CHST11: variants seen among roughly 807,000 people sequenced by gnomAD.
The protein encoded by CHST11 is C4S-1.
In CHST11, 9 loss-of-function variants were observed where a neutral mutation model predicts 30.4. The ratio of observed to expected loss-of-function variants is 0.30; its 90% CI spans 0.18 to 0.52. The LOEUF (loss-of-function observed/expected upper bound fraction) is 0.52. Among genes scored for constraint, CHST11 ranks in the 20% least tolerant of loss-of-function variants. The probability of loss-of-function intolerance (pLI) is 0.97; values close to 1 mark genes in which losing one functional copy is unlikely to be tolerated. For synonymous variants in CHST11, 152 were observed against 187.8 expected, an observed-to-expected ratio of 0.81 and a Z score of 1.56; for missense variants, 348 against 460.6, an observed-to-expected ratio of 0.76 and a Z score of 2.24.
At chr12:104,596,823 T>C (rs2038910919) in intron 1 of CHST11, among the ~76,000 whole-genome samples, 1 of 152,250 alleles carries the variant, frequency 6.6e-6, no homozygotes, top group African/African-American at 2.4e-5. Flanking sequence ...CTGGTTCTGC[T>C]GCTAGCTACA....
rs573664742 is a variant in CHST11, at chr12:104,657,216, G to A, written c.204+55225G>A. Among the ~76,000 whole-genome samples, 102 of 152,286 alleles carry A rather than the reference G, an allele frequency of 6.7e-4. 1 individual carries two copies. Among genetic ancestry groups the A allele is most frequent in the Admixed American group, 2.4e-3 (37 of 15,298 alleles). On this transcript the variant is annotated intron_variant, in intron 2 of 2. Transcript: ENST00000303694. ...AGCAAGCATCTTCAATCCACTATTTGCATGTCTTTCTTCTCATCTCTGGGA... is the reference window on the plus strand; with the variant it reads ...AGCAAGCATCTTCAATCCACTATTTACATGTCTTTCTTCTCATCTCTGGGA...
rs2040044824 is a variant in CHST11, at chr12:104,707,296, A to AG, written c.205-49649dup. On this transcript the variant is annotated intron_variant, in intron 2 of 2. Transcript: ENST00000303694. ...AAACCCCTTCCTACAGAGTCGGGGC[A>AG]GGGGTCCCCCAGCCAGCGTTTTTCA... Among the ~76,000 whole-genome samples the AG allele has an allele frequency of 3.9e-5, 6 of 152,322 alleles. No homozygotes were observed. The South Asian group carries it at 1.2e-3, about 32-fold the overall frequency.
chr12:104,557,207 C>T (rs1168298708), intron 1 of CHST11, among the ~76,000 whole-genome samples: 8 of 152,198 alleles, frequency 5.3e-5, no homozygotes, highest in East Asian at 3.9e-4. Flanking sequence ...GTCTGTAAGG[C>T]GGGAATGTGC....
At chr12:104,660,921 G>A (rs760291347) in intron 2 of CHST11, among the ~76,000 whole-genome samples, 24 of 152,112 alleles carry the variant, frequency 1.6e-4, no homozygotes, top group Non-Finnish European at 3.1e-4. Flanking sequence ...GGTTTCTGTG[G>A]TTCTCATCCT....
intron 1 of CHST11, among the ~76,000 whole-genome samples, chr12:104,461,731 G>A (rs1001434713): frequency 1.3e-5 from 2 of 152,196 alleles, no homozygotes; most frequent in South Asian, 2.1e-4. Context: ...TCGGTTGAAT[G>A]TATTGAAAGA....
Position 104,544,029 on chromosome 12 carries a change from C to T in CHST11, c.119-57877C>T, listed in dbSNP as rs919851767. On this transcript the variant is annotated intron_variant, in intron 1 of 2. Transcript: ENST00000303694. ...GTCCTGGCTACTCGGGAGGCTGAGG[C>T]GGGAGGATGGCTGGAGCCCAGGAGT... 8.0e-5 allele frequency among the ~76,000 whole-genome samples: 12 copies of T among 150,342 alleles called. No homozygotes were observed. In the East Asian group the frequency reaches 2.1e-3, roughly 27 times the overall value.
intron 1 of CHST11, among the ~76,000 whole-genome samples, chr12:104,586,006 A>G (rs1420524008): frequency 1.3e-5 from 2 of 152,100 alleles, no homozygotes; most frequent in Admixed American, 1.3e-4. Flanking sequence ...TTATATCTGC[A>G]AAGACTCTAT....
chr12:104,544,132 A>G (rs2706271), intron 1 of CHST11, among the ~76,000 whole-genome samples: 1 of 75,396 alleles, frequency 1.3e-5, no homozygotes, highest in Non-Finnish European at 2.7e-5. Flanking sequence ...TGTTAAAAAA[A>G]AAAAAAAAAG....
chr12:104,520,681 G>A (rs1026007453), intron 1 of CHST11, among the ~76,000 whole-genome samples: 4 of 152,194 alleles, frequency 2.6e-5, no homozygotes, highest in African/African-American at 9.7e-5. Context: ...TGAGCATCAA[G>A]CTGGTGCAGT....
chr12:104,503,197 C>T (rs939827896), intron 1 of CHST11, among the ~76,000 whole-genome samples: 7 of 152,198 alleles, frequency 4.6e-5, no homozygotes, highest in Non-Finnish European at 4.4e-5. Context: ...ATCCTAACCC[C>T]AGATCTGCTG....
Position 104,757,649 on chromosome 12 carries a change from C to T in CHST11, c.905C>T (p.Pro302Leu). 1 of 1,614,096 alleles carries T rather than the reference C, an allele frequency of 6.2e-7. No homozygotes were observed. The highest frequency in any genetic ancestry group is 8.5e-7 in the Non-Finnish European group (1 of 1,180,014). ...LAGVGSYLKFPTYAKSTRTTD... is the reference protein window; with the variant it reads ...LAGVGSYLKFLTYAKSTRTTD... ...GGAGTGGGCAGCTACCTGAAGTTCC[C>T]CACCTATGCAAAGTCTACGAGAACT... Residue 302 changes from proline to leucine, a missense_variant, in exon 3 of 3, where the codon CCC becomes CTC. Physicochemically the swap from Pro to Leu is moderately conservative, Grantham distance 98. Transcript: ENST00000303694. This position sits in a 1 kb window ranked among gnomAD's most constrained non-coding sequence, Gnocchi z 6.5.
chr12:104,720,767 TA>T (rs990941913), intron 2 of CHST11, among the ~76,000 whole-genome samples: 3 of 151,850 alleles, frequency 2.0e-5, no homozygotes, highest in Non-Finnish European at 4.4e-5. Context: ...AGTAGAAATC[TA>T]ATTTGAAAAA....
intron 1 of CHST11, among the ~76,000 whole-genome samples, chr12:104,484,523 T>A (rs2037657757): frequency 6.6e-6 from 1 of 152,190 alleles, no homozygotes. Context: ...AAACTTACAA[T>A]GTTCTCATCT....
At chr12:104,586,377 C>T (rs2038804224) in intron 1 of CHST11, among the ~76,000 whole-genome samples, 1 of 152,154 alleles carries the variant, frequency 6.6e-6, no homozygotes, top group East Asian at 1.9e-4. Flanking sequence ...GAGATGCCTG[C>T]CTGAGTGAGG....
At chr12:104,756,619 C>T (rs767135706) in intron 2 of CHST11, among the ~76,000 whole-genome samples, 13 of 151,500 alleles carry the variant, frequency 8.6e-5, no homozygotes, top group Non-Finnish European at 1.5e-4. Context: ...ACAGTCATAC[C>T]TCAAGGTAAC....
At chr12:104,559,117 T>C (rs11829128) in intron 1 of CHST11, among the ~76,000 whole-genome samples, 6 of 151,148 alleles carry the variant, frequency 4.0e-5, no homozygotes, top group Non-Finnish European at 7.4e-5. Context: ...ACAGGGACGG[T>C]GTTGTCTTTT....
intron 2 of CHST11, among the ~76,000 whole-genome samples, chr12:104,694,153 T>C (rs2039923225): frequency 6.6e-6 from 1 of 152,154 alleles, no homozygotes; most frequent in Non-Finnish European, 1.5e-5. Context: ...TGCCAGGTAT[T>C]GTATAGACCA....
chr12:104,633,581 A>G (rs1566016406), intron 2 of CHST11, among the ~76,000 whole-genome samples: 2 of 151,074 alleles, frequency 1.3e-5, no homozygotes, highest in African/African-American at 4.9e-5. Flanking sequence ...CACTCGGCTC[A>G]TTTTTTTGTA....
intron 2 of CHST11, among the ~76,000 whole-genome samples, chr12:104,725,575 T>G (rs569284996): frequency 1.3e-5 from 2 of 152,018 alleles, no homozygotes; most frequent in African/African-American, 4.8e-5. Flanking sequence ...CCGCCGTGGT[T>G]GTTTTCTCAC....
Sources: gnomAD v4.1 joint callset for allele counts (sites outside exome capture counted in the v4.1 genomes callset) on GRCh38, gnomAD v4.1.1 for gene constraint, Gnocchi (gnomAD v3.1) non-coding constraint, MANE v1.5 for transcripts, NCBI Gene and HGNC (gene_info 2026-07-23, HGNC 2026-07-21) for gene names.